The following HPSE2 variants were observed in gnomAD, a reference collection of about 807,000 sequenced individuals.
The protein encoded by HPSE2 is heparanase 2 (inactive).
Under a neutral mutation model 60.5 loss-of-function variants are expected in HPSE2, and 38 were observed. That is an observed-to-expected ratio of 0.63 (90% CI 0.48 to 0.82). The LOEUF is 0.82. Among genes scored for constraint, HPSE2 ranks in the 40% least tolerant of loss-of-function variants. The pLI, the probability that HPSE2 is intolerant of heterozygous loss-of-function variation, is 0.00. For synonymous variants in HPSE2, 295 were observed against 293.2 expected (o/e 1.01, Z -0.06); for missense variants, 713 against 740.4 (o/e 0.96, Z 0.43).
At chr10:98,543,622 G>C (rs554374845) in intron 9 of HPSE2, among the ~76,000 whole-genome samples, 19 of 152,206 alleles carry the variant, frequency 1.2e-4, no homozygotes, top group African/African-American at 3.4e-4. Flanking sequence ...CAAAATAAAA[G>C]GATGGAGGAA....
At chr10:99,111,682 A>T (rs1230829287) in intron 3 of HPSE2, among the ~76,000 whole-genome samples, 1 of 152,220 alleles carries the variant, frequency 6.6e-6, no homozygotes, top group African/African-American at 2.4e-5. Context: ...AAAGCATCAG[A>T]TACTACCAAC....
intron 6 of HPSE2, among the ~76,000 whole-genome samples, chr10:98,652,145 C>A (rs1013224064): frequency 1.3e-5 from 2 of 152,170 alleles, no homozygotes; most frequent in Non-Finnish European, 2.9e-5. Flanking sequence ...AATGATAGTT[C>A]ACTTTCTAAA....
chr10:98,967,068 T>C (rs1236944752), intron 3 of HPSE2, among the ~76,000 whole-genome samples: 6 of 152,092 alleles, frequency 3.9e-5, no homozygotes, highest in Non-Finnish European at 7.4e-5. Flanking sequence ...TGAACCACGA[T>C]TTAGAGGAGA....
chr10:98,773,228 T>G (rs997837225), intron 3 of HPSE2, among the ~76,000 whole-genome samples: 4 of 152,182 alleles, frequency 2.6e-5, no homozygotes, highest in African/African-American at 9.7e-5. Context: ...CCTTATATTC[T>G]CCTATAATTT....
At chr10:99,101,974 C>T (rs955511931) in intron 3 of HPSE2, among the ~76,000 whole-genome samples, 1 of 152,158 alleles carries the variant, frequency 6.6e-6, no homozygotes, top group Non-Finnish European at 1.5e-5. Context: ...CTCTGGGACA[C>T]ATTTAATGCA....
intron 3 of HPSE2, among the ~76,000 whole-genome samples, chr10:98,788,619 T>C (rs938301057): frequency 1.3e-5 from 2 of 152,214 alleles, no homozygotes; most frequent in Admixed American, 1.3e-4. Context: ...TAGGACCCTC[T>C]GAGCCAGGTG....
chr10:98,556,522 C>T (rs915085347), intron 9 of HPSE2, among the ~76,000 whole-genome samples: 1 of 152,158 alleles, frequency 6.6e-6, no homozygotes, highest in African/African-American at 2.4e-5. Flanking sequence ...TGATCACTAT[C>T]TACTACCAAC....
chr10:98,593,171 A>G (rs138731079), intron 9 of HPSE2, among the ~76,000 whole-genome samples: 23 of 152,340 alleles, frequency 1.5e-4, no homozygotes, highest in Admixed American at 1.2e-3. Flanking sequence ...TTAAACTATG[A>G]TAGAAGGAAC....
intron 3 of HPSE2, among the ~76,000 whole-genome samples, chr10:98,943,194 C>A (rs550407181): frequency 6.6e-6 from 1 of 151,008 alleles, no homozygotes; most frequent in African/African-American, 2.4e-5. Flanking sequence ...AACTAACGTG[C>A]ACATTGTGCA....
chr10:98,658,342 T>C (rs1341071247), intron 6 of HPSE2, among the ~76,000 whole-genome samples: 1 of 152,266 alleles, frequency 6.6e-6, no homozygotes, highest in Non-Finnish European at 1.5e-5. Flanking sequence ...TATTTGTGAA[T>C]ACTAGAATTT....
intron 6 of HPSE2, among the ~76,000 whole-genome samples, chr10:98,660,212 T>G (rs1947185540): frequency 6.6e-6 from 1 of 152,178 alleles, no homozygotes; most frequent in African/African-American, 2.4e-5. Context: ...CCTGAGGGAT[T>G]CTCAGCACAA....
intron 7 of HPSE2, among the ~76,000 whole-genome samples, chr10:98,630,784 A>G (rs1946348410): frequency 6.6e-6 from 1 of 152,160 alleles, no homozygotes; most frequent in Admixed American, 6.5e-5. Flanking sequence ...AATGAGAGAG[A>G]TAATATTTTA....
intron 3 of HPSE2, among the ~76,000 whole-genome samples, chr10:99,038,201 G>C (rs1957653349): frequency 1.3e-5 from 2 of 152,114 alleles, no homozygotes; most frequent in African/African-American, 2.4e-5. Flanking sequence ...TGAAGACTAT[G>C]TCCTCACAAC....
intron 5 of HPSE2, among the ~76,000 whole-genome samples, chr10:98,712,651 A>G (rs1465227352): frequency 6.6e-6 from 1 of 152,096 alleles, no homozygotes; most frequent in Non-Finnish European, 1.5e-5. Flanking sequence ...CCGTGGTGGC[A>G]AAGACCATTA....
chr10:99,271,242 G>T, the HPSE2 span, among the ~76,000 whole-genome samples: 1 of 152,118 alleles, frequency 6.6e-6, no homozygotes, highest in Non-Finnish European at 1.5e-5. Context: ...AAACCCAAAA[G>T]ACTCATCCAA....
intron 9 of HPSE2, among the ~76,000 whole-genome samples, chr10:98,581,087 C>T (rs770043822): frequency 6.6e-6 from 1 of 151,256 alleles, no homozygotes; most frequent in Non-Finnish European, 1.5e-5. Flanking sequence ...ATTATAGGTG[C>T]GTGCCAACAC....
At chr10:99,083,530 T>G (rs899877303) in intron 3 of HPSE2, among the ~76,000 whole-genome samples, 8 of 152,220 alleles carry the variant, frequency 5.3e-5, no homozygotes, top group African/African-American at 1.9e-4. Flanking sequence ...TTTTATAAGA[T>G]CTTACCTTTA....
chr10:99,138,130 A>T (rs561620841), intron 3 of HPSE2, among the ~76,000 whole-genome samples: 16 of 151,984 alleles, frequency 1.1e-4, no homozygotes, highest in Non-Finnish European at 7.4e-5. Context: ...GCTAACAGAC[A>T]TATGAAAAAA....
chr10:98,724,265 T>C (rs1443284647), intron 4 of HPSE2, among the ~76,000 whole-genome samples: 1 of 152,142 alleles, frequency 6.6e-6, no homozygotes, highest in East Asian at 1.9e-4. Flanking sequence ...TTCCATGTAG[T>C]TGAGCGGTTT....
Sources: allele counts gnomAD v4.1 joint callset (sites outside exome capture counted in the v4.1 genomes callset), GRCh38; gene constraint gnomAD v4.1.1; transcripts MANE v1.5; gene names NCBI Gene and HGNC (gene_info 2026-07-23, HGNC 2026-07-21).